CFAP95: variants seen among roughly 807,000 people sequenced by gnomAD.
CFAP95 encodes cilia and flagella associated protein 95, also known as cilia- and flagella-associated protein 95.
At chr9:69,830,066 C>T in the CFAP95 span, among the ~76,000 whole-genome samples, 39 of 152,166 alleles carry the variant, frequency 2.6e-4, no homozygotes, top group Non-Finnish European at 1.8e-4. Flanking sequence ...AAAATGTTAC[C>T]AGGTCTTACT....
chr9:69,879,411 T>C, the CFAP95 span, among the ~76,000 whole-genome samples: 1 of 152,252 alleles, frequency 6.6e-6, no homozygotes, highest in South Asian at 2.1e-4. Context: ...GTCTCCAGCA[T>C]GGACGAGGGG....
chr9:69,822,137 A>G, the CFAP95 span, among the ~76,000 whole-genome samples: 2 of 152,188 alleles, frequency 1.3e-5, no homozygotes, highest in African/African-American at 4.8e-5. Context: ...TCTGCTGTTG[A>G]TAGTAATTAC....
the CFAP95 span, among the ~76,000 whole-genome samples, chr9:69,843,553 TCCTC>T: frequency 0.029 from 682 of 23,238 alleles, 107 homozygotes; most frequent in Non-Finnish European, 0.045. Context: ...CTCCTCCTCC[TCCTC>T]CTTCTTCTTC....
chr9:69,898,431 CA>C, the CFAP95 span, among the ~76,000 whole-genome samples: 1 of 152,152 alleles, frequency 6.6e-6, no homozygotes, highest in Non-Finnish European at 1.5e-5. Flanking sequence ...CAACATTGGG[CA>C]GGGGGTAATT....
the CFAP95 span, among the ~76,000 whole-genome samples, chr9:69,870,895 C>T: frequency 6.6e-6 from 1 of 152,048 alleles, no homozygotes; most frequent in Admixed American, 6.6e-5. Flanking sequence ...GAGAGAAGGG[C>T]ACCCTAGGCA....
At chr9:69,884,380 A>C in the CFAP95 span, 16 of 152,214 alleles carry the variant, frequency 1.1e-4, no homozygotes, top group African/African-American at 3.6e-4. Flanking sequence ...CTCTTTCCTC[A>C]GCTTCCTGAG....
chr9:69,878,118 G>A, the CFAP95 span, among the ~76,000 whole-genome samples: 1 of 152,108 alleles, frequency 6.6e-6, no homozygotes, highest in Non-Finnish European at 1.5e-5. Flanking sequence ...CACGTTTCTG[G>A]GGTGGTGAAA....
the CFAP95 span, among the ~76,000 whole-genome samples, chr9:69,874,459 G>T: frequency 4.6e-5 from 7 of 152,044 alleles, no homozygotes; most frequent in Non-Finnish European, 1.0e-4. Context: ...GGATTCTTTC[G>T]GTTGTAAGGA....
At chr9:69,904,972 C>A in the CFAP95 span, among the ~76,000 whole-genome samples, 2 of 152,118 alleles carry the variant, frequency 1.3e-5, no homozygotes. Context: ...TCGCTTATTA[C>A]TGACTTTCTT....
the CFAP95 span, among the ~76,000 whole-genome samples, chr9:69,900,299 G>T: frequency 6.6e-6 from 1 of 151,990 alleles, no homozygotes; most frequent in African/African-American, 2.4e-5. Context: ...TGAGCAGAGT[G>T]GGTTGTTTGC....
the CFAP95 span, among the ~76,000 whole-genome samples, chr9:69,851,856 A>AC: frequency 7.0e-6 from 1 of 143,204 alleles, no homozygotes; most frequent in Admixed American, 7.1e-5. Flanking sequence ...TAACAGTGAG[A>AC]CCCTATTTCT....
the CFAP95 span, chr9:69,856,685 A>G: frequency 3.2e-6 from 5 of 1,561,276 alleles, no homozygotes; most frequent in African/African-American, 6.8e-5. Context: ...TATTCTTAAT[A>G]CTTTTCTTTA....
chr9:69,821,019 T>C, the CFAP95 span: 1 of 1,613,540 alleles, frequency 6.2e-7, no homozygotes, highest in Non-Finnish European at 8.5e-7. Flanking sequence ...AAGCCGGTGT[T>C]GGTGTATTCC....
chr9:69,892,854 AG>A, the CFAP95 span, among the ~76,000 whole-genome samples: 1 of 152,172 alleles, frequency 6.6e-6, no homozygotes, highest in Non-Finnish European at 1.5e-5. Context: ...CTCCAGGGGA[AG>A]ATTATTTTCC....
the CFAP95 span, among the ~76,000 whole-genome samples, chr9:69,822,684 T>C: frequency 1.8e-4 from 28 of 152,192 alleles, no homozygotes; most frequent in Admixed American, 1.8e-3. Context: ...GAAAATTGCA[T>C]TGTGAAAGTT....
At chr9:69,893,484 T>C in the CFAP95 span, among the ~76,000 whole-genome samples, 1 of 152,198 alleles carries the variant, frequency 6.6e-6, no homozygotes, top group African/African-American at 2.4e-5. Flanking sequence ...CAAATCCCAG[T>C]TATTTTAAGG....
At chr9:69,872,968 A>G in the CFAP95 span, among the ~76,000 whole-genome samples, 1 of 152,168 alleles carries the variant, frequency 6.6e-6, no homozygotes, top group Admixed American at 6.5e-5. Context: ...GGAGGCTACA[A>G]TACAGGTAGA....
chr9:69,842,234 T>C, the CFAP95 span, among the ~76,000 whole-genome samples: 6 of 152,080 alleles, frequency 3.9e-5, no homozygotes, highest in African/African-American at 1.2e-4. Context: ...TATGAGTTTG[T>C]GTGGCAAGCC....
At chr9:69,882,260 C>A in the CFAP95 span, among the ~76,000 whole-genome samples, 1 of 152,118 alleles carries the variant, frequency 6.6e-6, no homozygotes. Context: ...GGGGCATGAG[C>A]CACCATGCCT....
Sources: gnomAD v4.1 joint callset for allele counts (sites outside exome capture counted in the v4.1 genomes callset) on GRCh38, gnomAD v4.1.1 for gene constraint, MANE v1.5 for transcripts, NCBI Gene and HGNC (gene_info 2026-07-23, HGNC 2026-07-21) for gene names.